UBE3C: variants seen among roughly 807,000 people sequenced by gnomAD.
UBE3C encodes ubiquitin protein ligase E3C.
UBE3C carries 42 observed loss-of-function variants against 129.4 expected under a neutral mutation model. The observed-to-expected ratio is 0.32, with a 90% CI of 0.25 to 0.42. UBE3C has a LOEUF of 0.42. Ranked by LOEUF, UBE3C falls within the 10% of genes least tolerant of loss-of-function variation. The pLI is 1.00. For synonymous variants in UBE3C, 510 were observed against 492.4 expected (o/e 1.04, Z -0.47); for missense variants, 1,049 against 1,319.1 (o/e 0.80, Z 3.17).
chr7:157,253,074 T>A (rs545603129), intron 19 of UBE3C, among the ~76,000 whole-genome samples: 3 of 152,344 alleles, frequency 2.0e-5, no homozygotes, highest in Non-Finnish European at 4.4e-5. Flanking sequence ...AAAAATTTTT[T>A]TATTTAAAAT....
intron 10 of UBE3C, among the ~76,000 whole-genome samples, chr7:157,190,784 T>C (rs1206011463): frequency 6.6e-6 from 1 of 152,256 alleles, no homozygotes; most frequent in Non-Finnish European, 1.5e-5. Context: ...ATCAAGCATT[T>C]GTTTACCTCT....
chr7:157,147,799 G>A (rs1807648059), intron 1 of UBE3C, among the ~76,000 whole-genome samples: 1 of 152,260 alleles, frequency 6.6e-6, no homozygotes, highest in African/African-American at 2.4e-5. Flanking sequence ...TTAATGTTAT[G>A]TGATTTTCCT....
At chr7:157,178,243 A>G (rs553401778) in intron 5 of UBE3C, among the ~76,000 whole-genome samples, 1 of 152,334 alleles carries the variant, frequency 6.6e-6, no homozygotes, top group South Asian at 2.1e-4. Flanking sequence ...ACTTAGGACC[A>G]GAAATATATC....
intron 1 of UBE3C, among the ~76,000 whole-genome samples, chr7:157,145,490 C>T (rs1807580248): frequency 6.6e-6 from 1 of 152,114 alleles, no homozygotes; most frequent in Non-Finnish European, 1.5e-5. Flanking sequence ...TGCACTCCAG[C>T]CTAGGTGACG....
chr7:157,169,147 AT>A, intron 3 of UBE3C, 25 bp downstream of exon 3: 1 of 1,586,734 alleles, frequency 6.3e-7, no homozygotes. Flanking sequence ...AAATGAGGAG[AT>A]TAGTAGGGCA....
intron 1 of UBE3C, among the ~76,000 whole-genome samples, chr7:157,150,316 T>G (rs1586643813): frequency 6.6e-6 from 1 of 151,702 alleles, no homozygotes; most frequent in South Asian, 2.1e-4. Flanking sequence ...GAGGCAGAGG[T>G]TGCAGTGAGC....
chr7:157,166,766 T>G (rs902673337), intron 2 of UBE3C, among the ~76,000 whole-genome samples: 5 of 152,128 alleles, frequency 3.3e-5, no homozygotes, highest in Non-Finnish European at 5.9e-5. Context: ...TTTTGAATTA[T>G]TTGAGATTTT....
chr7:157,220,988 T>C, intron 15 of UBE3C: 1 of 506,104 alleles, frequency 2.0e-6, no homozygotes, highest in Non-Finnish European at 3.5e-6. Context: ...TGTTTTGTCC[T>C]GTCACTTTGC....
At chr7:157,163,702 G>A (rs1163211964) in intron 1 of UBE3C, 108 bp from the exon 2 acceptor site, 6 of 1,190,192 alleles carry the variant, frequency 5.0e-6, no homozygotes, top group South Asian at 2.8e-5. Context: ...AGCTTGTTTG[G>A]ATGATCTTTA....
chr7:157,183,925 A>G lies in UBE3C; in HGVS notation c.1039A>G (p.Thr347Ala), dbSNP rs1395014778. 6.2e-7 allele frequency: 1 copy of G among 1,613,998 alleles called. No individual in the cohort carries two copies. The highest frequency in any genetic ancestry group is 8.5e-7 in the Non-Finnish European group (1 of 1,180,016). Residue 347 changes from threonine to alanine, a missense_variant, in exon 9 of 23, where the codon ACC becomes GCC. Physicochemically the swap from Thr to Ala is moderately conservative, Grantham distance 58. Transcript: ENST00000348165. ...GLLVYLRVLQ[T>A]FLSQLPVSPA... The stretch of plus-strand genomic sequence containing the variant: ...GCTGGTGTATTTGCGGGTGCTGCAG[A>G]CCTTCCTCTCTCAGTTACCAGTCTC...
chr7:157,171,675 TATATATATATA>T (rs1374936590), intron 4 of UBE3C, among the ~76,000 whole-genome samples: 1 of 31,594 alleles, frequency 3.2e-5, no homozygotes, highest in Non-Finnish European at 7.6e-5. Flanking sequence ...TATATATATA[TATATATATATA>T]TTTTTTTTTT....
At chr7:157,199,175 T>C (rs1254935254) in intron 10 of UBE3C, among the ~76,000 whole-genome samples, 1 of 152,260 alleles carries the variant, frequency 6.6e-6, no homozygotes. Flanking sequence ...TAATAACATT[T>C]TTTAAAAACT....
At chr7:157,199,436 T>C (rs1306066332) in intron 10 of UBE3C, among the ~76,000 whole-genome samples, 2 of 151,908 alleles carry the variant, frequency 1.3e-5, no homozygotes, top group Non-Finnish European at 2.9e-5. Context: ...AACAGTATAG[T>C]CTTTTTCAGA....
Position 157,181,565 on chromosome 7 carries a change from A to G in UBE3C, c.664A>G (p.Ser222Gly). ...GTTGATTAACAGCAAGCTTCCATCA[A>G]GTATTGAATATTCTGATTTATCTCG... ...YLLINSKLPS[S>G]IEYSDLSRVP... Residue 222 changes from serine to glycine, a missense_variant, in exon 7 of 23, where the codon AGT becomes GGT. By Grantham distance (56) the Ser-to-Gly change is moderately conservative (BLOSUM62 0). Coordinates refer to ENST00000348165, the MANE Select transcript of UBE3C (RefSeq NM_014671.3). The G allele has an allele frequency of 1.2e-6, 2 of 1,612,788 alleles. No homozygotes were observed. Among genetic ancestry groups the G allele is most frequent in the Non-Finnish European group, 1.7e-6 (2 of 1,179,646 alleles).
chr7:157,154,699 G>A (rs185985641), intron 1 of UBE3C, among the ~76,000 whole-genome samples: 14 of 152,240 alleles, frequency 9.2e-5, no homozygotes, highest in Admixed American at 5.9e-4. Context: ...GTCTCTTGGC[G>A]TATATTGTGA....
chr7:157,176,455 A>G (rs1351775243), intron 5 of UBE3C, among the ~76,000 whole-genome samples: 1 of 152,084 alleles, frequency 6.6e-6, no homozygotes, highest in African/African-American at 2.4e-5. Flanking sequence ...TTGTATTTTT[A>G]GTAGAGATGG....
chr7:157,218,412 G>A (rs1586697208), intron 14 of UBE3C, among the ~76,000 whole-genome samples: 1 of 151,886 alleles, frequency 6.6e-6, no homozygotes, highest in East Asian at 1.9e-4. Context: ...TCACGCCACT[G>A]CACTCCAGCC....
At chr7:157,180,201 C>A (rs1048565265) in intron 6 of UBE3C, among the ~76,000 whole-genome samples, 5 of 152,076 alleles carry the variant, frequency 3.3e-5, no homozygotes, top group African/African-American at 1.2e-4. Flanking sequence ...ATAGTATTAC[C>A]ATTATTTGTA....
chr7:157,263,656 G>A (rs1234386210), intron 22 of UBE3C, among the ~76,000 whole-genome samples: 19 of 138,506 alleles, frequency 1.4e-4, no homozygotes, highest in African/African-American at 4.6e-4. Context: ...AGAGCAAGAC[G>A]CCAACTCAAA....
Sources: gnomAD v4.1 joint callset for allele counts (sites outside exome capture counted in the v4.1 genomes callset) on GRCh38, gnomAD v4.1.1 for gene constraint, MANE v1.5 for transcripts, NCBI Gene and HGNC (gene_info 2026-07-23, HGNC 2026-07-21) for gene names.